Variants in SHISA9 observed in about 807,000 individuals in gnomAD.
SHISA9 encodes protein shisa-9.
Under a neutral mutation model 38.0 loss-of-function variants are expected in SHISA9, and 13 were observed. That is an observed-to-expected ratio of 0.34 (90% CI 0.22 to 0.54). SHISA9 has a LOEUF of 0.54. Among genes scored for constraint, SHISA9 ranks in the 20% least tolerant of loss-of-function variants. The probability of loss-of-function intolerance (pLI) is 0.91; values close to 1 mark genes in which losing one functional copy is unlikely to be tolerated. For missense variants in SHISA9, 538 were observed against 575.8 expected (o/e 0.93, Z 0.67); for synonymous variants, 275 against 242.0 (o/e 1.14, Z -1.27).
At chr16:13,202,998 A>C (rs1412180294) in intron 2 of SHISA9, among the ~76,000 whole-genome samples, 1 of 152,150 alleles carries the variant, frequency 6.6e-6, no homozygotes, top group Admixed American at 6.6e-5. Flanking sequence ...CAATCCCTTT[A>C]ACATCTGCCA....
chr16:13,012,373 TG>T (rs933737986), intron 2 of SHISA9, among the ~76,000 whole-genome samples: 10 of 152,006 alleles, frequency 6.6e-5, no homozygotes, highest in Middle Eastern at 3.4e-3. Context: ...AGGGAATATT[TG>T]GGGGAAGAGA....
the SHISA9 span, among the ~76,000 whole-genome samples, chr16:13,308,207 T>A: frequency 4.2e-5 from 2 of 47,226 alleles, no homozygotes; most frequent in Non-Finnish European, 7.5e-5. Context: ...CATCAAATTG[T>A]AGGAGCTTTT....
At chr16:13,157,922 AC>A (rs1317386293) in intron 2 of SHISA9, among the ~76,000 whole-genome samples, 1 of 152,168 alleles carries the variant, frequency 6.6e-6, no homozygotes, top group Non-Finnish European at 1.5e-5. Context: ...TTTGTTTTCA[AC>A]ACTCTCCTGC....
At chr16:13,373,893 C>G in the SHISA9 span, among the ~76,000 whole-genome samples, 1 of 152,146 alleles carries the variant, frequency 6.6e-6, no homozygotes, top group Non-Finnish European at 1.5e-5. Flanking sequence ...ATAACACGTT[C>G]ATATGGTCAC....
the SHISA9 span, among the ~76,000 whole-genome samples, chr16:13,554,458 G>T: frequency 6.7e-6 from 1 of 150,210 alleles, no homozygotes; most frequent in Non-Finnish European, 1.5e-5. Flanking sequence ...AAATCTCTGT[G>T]ACACAAGAAC....
intron 2 of SHISA9, among the ~76,000 whole-genome samples, chr16:13,019,848 C>CT (rs2072811516): frequency 9.2e-5 from 2 of 21,820 alleles, no homozygotes; most frequent in African/African-American, 3.5e-4. Context: ...CCTTCCTTCC[C>CT]TCCCTCCCTC....
At chr16:13,019,769 TTTCTTTCTTTCTTTC>T (rs1361396026) in intron 2 of SHISA9, among the ~76,000 whole-genome samples, 2 of 30,056 alleles carry the variant, frequency 6.7e-5, no homozygotes, top group African/African-American at 3.4e-4. Flanking sequence ...CTTTCTTTTC[TTTCTTTCTTTCTTTC>T]TTTCTTTCTT....
At chr16:13,007,724 C>G (rs1346743333) in intron 2 of SHISA9, among the ~76,000 whole-genome samples, 1 of 152,206 alleles carries the variant, frequency 6.6e-6, no homozygotes, top group Admixed American at 6.5e-5. Context: ...CTGCCTATGT[C>G]AGCCTGAAAC....
intron 2 of SHISA9, among the ~76,000 whole-genome samples, chr16:12,930,655 A>G (rs1321337725): frequency 1.3e-5 from 2 of 152,184 alleles, no homozygotes; most frequent in African/African-American, 2.4e-5. Flanking sequence ...TGTCGTGTTG[A>G]TGTGAATAAT....
At chr16:13,073,957 G>GTTTT (rs11442270) in intron 2 of SHISA9, among the ~76,000 whole-genome samples, 5 of 103,848 alleles carry the variant, frequency 4.8e-5, no homozygotes, top group African/African-American at 6.4e-5. Context: ...TCTGCTGGTC[G>GTTTT]TTTTTTTTTT....
chr16:12,943,322 TGTGTGTGTGAGAGA>T (rs2071643115), intron 2 of SHISA9, among the ~76,000 whole-genome samples: 3 of 22,092 alleles, frequency 1.4e-4, no homozygotes, highest in Non-Finnish European at 2.7e-4. Context: ...TGTGTGTGTG[TGTGTGTGTGAGAGA>T]GAGAGAGAGA....
chr16:13,029,185 A>T (rs1485038506), intron 2 of SHISA9, among the ~76,000 whole-genome samples: 2 of 152,166 alleles, frequency 1.3e-5, no homozygotes, highest in Admixed American at 1.3e-4. Context: ...AGAGATCTGT[A>T]CTCCTGTTTG....
chr16:12,934,252 A>C (rs775003094), intron 2 of SHISA9, among the ~76,000 whole-genome samples: 2 of 152,230 alleles, frequency 1.3e-5, no homozygotes, highest in African/African-American at 4.8e-5. Context: ...AGCAACTGCT[A>C]TGCGCTAGAC....
At chr16:13,280,801 C>T in the SHISA9 span, among the ~76,000 whole-genome samples, 1 of 151,266 alleles carries the variant, frequency 6.6e-6, no homozygotes, top group Non-Finnish European at 1.5e-5. Flanking sequence ...CTATAAAGCT[C>T]TTAGAAGAAA....
At chr16:13,150,213 C>T (rs976781577) in intron 2 of SHISA9, among the ~76,000 whole-genome samples, 5 of 151,996 alleles carry the variant, frequency 3.3e-5, no homozygotes, top group Admixed American at 3.3e-4. Flanking sequence ...TGCGTTTGTT[C>T]CACCTCTTTG....
chr16:13,219,605 C>T (rs2051202618), intron 4 of SHISA9, among the ~76,000 whole-genome samples: 1 of 152,110 alleles, frequency 6.6e-6, no homozygotes, highest in Non-Finnish European at 1.5e-5. Context: ...GTGCCCACCT[C>T]TGAACAAATT....
chr16:13,217,799 G>A (rs978168679), intron 4 of SHISA9, among the ~76,000 whole-genome samples: 45 of 152,182 alleles, frequency 3.0e-4, no homozygotes, highest in African/African-American at 1.0e-3. Context: ...GGAGGCCGAG[G>A]TGAGCAGATC....
At chr16:12,964,131 A>AT (rs759345710) in intron 2 of SHISA9, among the ~76,000 whole-genome samples, 80 of 152,352 alleles carry the variant, frequency 5.3e-4, no homozygotes, top group Non-Finnish European at 1.0e-3. Flanking sequence ...GTTAAGAATC[A>AT]GTGCATTGCC....
chr16:13,490,897 A>G, the SHISA9 span, among the ~76,000 whole-genome samples: 1 of 152,160 alleles, frequency 6.6e-6, no homozygotes, highest in South Asian at 2.1e-4. Context: ...GGAGAGGGAA[A>G]TGTTCTTATT....
Sources: gnomAD v4.1 joint callset for allele counts (sites outside exome capture counted in the v4.1 genomes callset) on GRCh38, gnomAD v4.1.1 for gene constraint, MANE v1.5 for transcripts, NCBI Gene and HGNC (gene_info 2026-07-23, HGNC 2026-07-21) for gene names.